Variants in CENPF observed in about 807,000 individuals in gnomAD.
The protein encoded by CENPF is centromere protein F.
In CENPF, 214 loss-of-function variants were observed where a neutral mutation model predicts 307.3. The ratio of observed to expected loss-of-function variants is 0.70; its 90% confidence interval spans 0.62 to 0.78. The LOEUF (loss-of-function observed/expected upper bound fraction) is 0.78. Ranked by LOEUF, CENPF falls within the 30% of genes least tolerant of loss-of-function variation. The pLI is 0.00. For synonymous variants in CENPF, 1,259 were observed against 1,270.6 expected, an observed-to-expected ratio of 0.99 and a Z score of 0.19; for missense variants, 3,401 against 3,483.9, an observed-to-expected ratio of 0.98 and a Z score of 0.60.
intron 15 of CENPF, among the ~76,000 whole-genome samples, chr1:214,652,173 C>CTACAG (rs1390387476): frequency 6.9e-6 from 1 of 145,286 alleles, no homozygotes; most frequent in African/African-American, 2.6e-5. Flanking sequence ...GTAGCTGGGA[C>CTACAG]TACAGGTGCC....
chr1:214,623,868 T>C (rs944267742), intron 7 of CENPF, among the ~76,000 whole-genome samples: 1 of 152,156 alleles, frequency 6.6e-6, no homozygotes, highest in African/African-American at 2.4e-5. Context: ...GTAATAAGTA[T>C]TGTAGAGAAA....
intron 1 of CENPF, chr1:214,606,011 A>C (rs199765011): frequency 1.9e-5 from 31 of 1,596,646 alleles, no homozygotes; most frequent in Non-Finnish European, 2.5e-5. Flanking sequence ...GCGCGAGGCC[A>C]GGTCCACGGT....
rs1657526616 is a variant in CENPF at position 214,622,230 on chromosome 1, T to C, written c.1017T>C (p.Cys339=). 6.2e-7 allele frequency: 1 copy of C among 1,613,972 alleles called. No individual in the cohort carries two copies. Among genetic ancestry groups the C allele is most frequent in the African/African-American group, 1.3e-5 (1 of 74,928 alleles). Residue 339 remains cysteine, a synonymous_variant, in exon 7 of 20, where the codon TGT becomes TGC. Transcript: ENST00000366955. Reference sequence around the variant, plus strand: ...AAAAAGAGAAAGTTTTGAACAAATGTAGGGATGAACTAGTGAGAACAACAG... The same window carrying C: ...AAAAAGAGAAAGTTTTGAACAAATGCAGGGATGAACTAGTGAGAACAACAG... ...LIEKEKVLNK[C]RDELVRTTAQ... is the part of the protein sequence containing the mutation.
At chr1:214,639,845 CGGGGGGA>C in intron 11 of CENPF, 69 bp from the exon 12 acceptor site, 2 of 915,620 alleles carry the variant, frequency 2.2e-6, no homozygotes, top group Non-Finnish European at 2.9e-6. Flanking sequence ...TGCCAGGGGG[CGGGGGGA>C]GGGGTTAGCG....
rs74140215 is a variant in CENPF at position 214,622,451 on chromosome 1, C to T, written c.1068+170C>T. Among the ~76,000 whole-genome samples, 8,818 of 152,178 alleles carry T rather than the reference C, an allele frequency of 0.058. 809 individuals carry two copies. Among genetic ancestry groups the T allele is most frequent in the African/African-American group, 0.2 (8,265 of 41,492 alleles). On this transcript the variant is annotated intron_variant, in intron 7 of 19. Transcript: ENST00000366955. ...AAAGCTGTTTTAAGTTGGGCAGATC[C>T]GGGATCAAGCCTGGTGCCGTACTTT...
chr1:214,653,809 A>G (rs1183661702), intron 16 of CENPF: 1 of 152,210 alleles, frequency 6.6e-6, no homozygotes, highest in Non-Finnish European at 1.5e-5. Context: ...ATTCAAAATC[A>G]CAATAATTAA....
At chr1:214,648,484 G>A (rs1375474085) in intron 13 of CENPF, 191 bp from the exon 14 acceptor site, 1 of 749,512 alleles carries the variant, frequency 1.3e-6, no homozygotes, top group African/African-American at 1.7e-5. Context: ...ATCTTTTCTG[G>A]GAAGAAAAGG....
chr1:214,641,439 A>G lies in CENPF; in HGVS notation c.3101A>G (p.Asn1034Ser). Residue 1034 changes from asparagine to serine, a missense_variant, in exon 12 of 20, where the codon AAT (asparagine) becomes AGT (serine). By Grantham distance (46) the Asn-to-Ser change is conservative. Coordinates refer to ENST00000366955, the MANE Select transcript of CENPF (RefSeq NM_016343.4). ...CTACAAAGATGTGAAGAAACCGGAA[A>G]TGCATATGAGGATCTTAGTCAAAAA... ...ILLQRCEETG[N>S]AYEDLSQKYK... 6.4e-7 allele frequency: 1 copy of G among 1,560,476 alleles called. No homozygotes were observed.
intron 13 of CENPF, among the ~76,000 whole-genome samples, chr1:214,647,791 C>G (rs990425441): frequency 2.0e-5 from 3 of 152,134 alleles, no homozygotes; most frequent in Non-Finnish European, 4.4e-5. Context: ...TATCTAGGAT[C>G]GGAAAGGATC....
At chr1:214,658,256 A>C (rs1442416063) in intron 18 of CENPF, among the ~76,000 whole-genome samples, 2 of 152,108 alleles carry the variant, frequency 1.3e-5, no homozygotes, top group Admixed American at 6.5e-5. Flanking sequence ...TGATACACTA[A>C]CTCTTAGTAT....
intron 19 of CENPF, among the ~76,000 whole-genome samples, chr1:214,662,866 A>G (rs1035040999): frequency 1.3e-4 from 19 of 151,898 alleles, no homozygotes; most frequent in Non-Finnish European, 1.5e-4. Flanking sequence ...TGCAGCTTCA[A>G]ACTCCTGGGC....
chr1:214,643,363 A>G (rs771298294), intron 12 of CENPF, 39 bp downstream of exon 12: 5 of 1,441,800 alleles, frequency 3.5e-6, no homozygotes, highest in South Asian at 1.6e-5. Context: ...CTCGGTTTAC[A>G]TGACTAGTGG....
chr1:214,648,115 A>G (rs919561588), intron 13 of CENPF: 8 of 350,670 alleles, frequency 2.3e-5, no homozygotes, highest in Admixed American at 7.0e-5. Flanking sequence ...TAAAAGGACT[A>G]TCCACAAAAT....
At chr1:214,638,680 T>C (rs1658025389) in intron 11 of CENPF, among the ~76,000 whole-genome samples, 1 of 152,102 alleles carries the variant, frequency 6.6e-6, no homozygotes, top group Non-Finnish European at 1.5e-5. Context: ...CCAATCTTGG[T>C]GTGGTGGCGG....
chr1:214,642,575 T>C lies in CENPF; in HGVS notation c.4237T>C (p.Ser1413Pro). 1.9e-6 allele frequency: 3 copies of C among 1,609,780 alleles called. No individual in the cohort carries two copies. Among genetic ancestry groups the C allele is most frequent in the South Asian group, 1.1e-5 (1 of 90,230 alleles). ...TGCCGAATTGCAAGAGAAATTCTTA[T>C]CTTTACAAAGTGAACACAAAATTTT... ...HFAELQEKFLSLQSEHKILHD... is the reference protein window; with the variant it reads ...HFAELQEKFLPLQSEHKILHD... The change falls in exon 12 of 20, where the codon TCT becomes CCT. Residue 1413 changes from serine to proline, a missense_variant. Transcript: ENST00000366955.
In CENPF at chr1:214,652,809, T is replaced by C; in HGVS notation, c.8161-19T>C. 1 of 1,543,466 alleles carries C rather than the reference T, an allele frequency of 6.5e-7. No individual in the cohort carries two copies. Among genetic ancestry groups the C allele is most frequent in the Non-Finnish European group, 8.7e-7 (1 of 1,150,184 alleles). On this transcript the variant is annotated intron_variant, in intron 15 of 19. Coordinates refer to ENST00000366955, the MANE Select transcript of CENPF (RefSeq NM_016343.4). Reference sequence around the variant, plus strand: ...TGGCTAAAGTAACATTTTGGTTTTTTTTGTTTGTTTTGCTCTAGTATGAAG... The same window carrying C: ...TGGCTAAAGTAACATTTTGGTTTTTCTTGTTTGTTTTGCTCTAGTATGAAG...
Position 214,620,950 on chromosome 1 carries a change from A to C in CENPF, c.865+4A>C. Reference sequence around the variant, plus strand: ...CAATTAAAAGCGCAGAATCAAGGTAACATTGAGCTAAGTTAAGTTTAAATT... The same window carrying C: ...CAATTAAAAGCGCAGAATCAAGGTACCATTGAGCTAAGTTAAGTTTAAATT... On this transcript the variant is annotated splice_donor_region_variant and intron_variant, in intron 6 of 19. Coordinates refer to ENST00000366955, the MANE Select transcript of CENPF (RefSeq NM_016343.4). 5.7e-6 allele frequency: 9 copies of C among 1,591,736 alleles called. No homozygotes were observed. Among genetic ancestry groups the C allele is most frequent in the Non-Finnish European group, 7.7e-6 (9 of 1,170,358 alleles).
chr1:214,622,402 G>T, intron 7 of CENPF, 121 bp downstream of exon 7: 1 of 859,926 alleles, frequency 1.2e-6, no homozygotes, highest in East Asian at 2.7e-5. Context: ...TATATATTAG[G>T]TACTCTTGAT....
intron 7 of CENPF, among the ~76,000 whole-genome samples, chr1:214,628,130 T>G (rs567058963): frequency 9.8e-5 from 15 of 152,342 alleles, no homozygotes; most frequent in Admixed American, 8.5e-4. Context: ...GGCACTGTTT[T>G]AGAGTATTAT....
Sources: gnomAD v4.1 joint callset for allele counts (sites outside exome capture counted in the v4.1 genomes callset) on GRCh38, gnomAD v4.1.1 for gene constraint, MANE v1.5 for transcripts, NCBI Gene and HGNC (gene_info 2026-07-23, HGNC 2026-07-21) for gene names.